PABPC4L: variants seen among roughly 807,000 people sequenced by gnomAD.
The protein encoded by PABPC4L is poly(A) binding protein cytoplasmic 4 like, also known as polyadenylate-binding protein 4-like.
For missense variants in PABPC4L, 452 were observed against 451.4 expected (o/e 1.00, Z -0.01); for synonymous variants, 169 against 164.1 (o/e 1.03, Z -0.23).
At chr4:134,041,553 G>A in the PABPC4L span, among the ~76,000 whole-genome samples, 9 of 151,960 alleles carry the variant, frequency 5.9e-5, no homozygotes, top group East Asian at 1.4e-3. Context: ...TGGGGGTGGG[G>A]GCATCACACA....
At chr4:134,092,128 T>C in the PABPC4L span, among the ~76,000 whole-genome samples, 1 of 151,918 alleles carries the variant, frequency 6.6e-6, no homozygotes, top group Non-Finnish European at 1.5e-5. Context: ...GGTGGTTCCC[T>C]GGAAAAGGCC....
the PABPC4L span, among the ~76,000 whole-genome samples, chr4:134,028,469 T>C: frequency 6.6e-6 from 1 of 151,952 alleles, no homozygotes; most frequent in East Asian, 1.9e-4. Context: ...TTGTCAGCTT[T>C]TCCCAGTAAC....
chr4:134,168,860 C>T, the PABPC4L span, among the ~76,000 whole-genome samples: 2 of 151,912 alleles, frequency 1.3e-5, no homozygotes, highest in Admixed American at 6.6e-5. Context: ...AAAATCAATC[C>T]TACTCAAAAA....
At chr4:134,160,131 C>T in the PABPC4L span, among the ~76,000 whole-genome samples, 2 of 151,818 alleles carry the variant, frequency 1.3e-5, no homozygotes, top group Non-Finnish European at 2.9e-5. Context: ...CATTAGTGGC[C>T]ACAAGCCTTG....
the PABPC4L span, among the ~76,000 whole-genome samples, chr4:134,092,713 G>A: frequency 6.6e-6 from 1 of 151,984 alleles, no homozygotes; most frequent in African/African-American, 2.4e-5. Flanking sequence ...CCCAGCTCCT[G>A]CATCCACTCA....
chr4:134,120,094 T>C, the PABPC4L span, among the ~76,000 whole-genome samples: 3 of 151,650 alleles, frequency 2.0e-5, no homozygotes, highest in Non-Finnish European at 4.4e-5. Flanking sequence ...TCTGTTGACA[T>C]TGATCTTGGA....
the PABPC4L span, among the ~76,000 whole-genome samples, chr4:134,015,497 T>C: frequency 1.3e-5 from 2 of 152,126 alleles, no homozygotes; most frequent in Admixed American, 6.6e-5. Context: ...TGACACTCAT[T>C]AGGCTCAGCA....
At chr4:134,111,171 T>A in the PABPC4L span, among the ~76,000 whole-genome samples, 56 of 152,110 alleles carry the variant, frequency 3.7e-4, 1 homozygote, top group Admixed American at 1.5e-3. Flanking sequence ...AAATACTGTG[T>A]CTTCACAAGG....
At chr4:134,157,971 A>G in the PABPC4L span, among the ~76,000 whole-genome samples, 3 of 151,722 alleles carry the variant, frequency 2.0e-5, no homozygotes, top group Non-Finnish European at 4.4e-5. Flanking sequence ...CTCTCCTCAT[A>G]TATTTTGGTA....
chr4:134,136,723 G>A, the PABPC4L span, among the ~76,000 whole-genome samples: 9 of 151,858 alleles, frequency 5.9e-5, no homozygotes, highest in South Asian at 8.3e-4. Flanking sequence ...TATTTGCAGC[G>A]ACTATGATCA....
the PABPC4L span, among the ~76,000 whole-genome samples, chr4:134,004,927 G>C: frequency 5.9e-5 from 9 of 151,782 alleles, no homozygotes; most frequent in African/African-American, 1.9e-4. Context: ...GAACCAGAAA[G>C]TACATTGGTG....
chr4:134,154,957 G>A, the PABPC4L span, among the ~76,000 whole-genome samples: 1 of 151,936 alleles, frequency 6.6e-6, no homozygotes, highest in Non-Finnish European at 1.5e-5. Context: ...GAATATTGTA[G>A]ATGTTTTTTC....
the PABPC4L span, among the ~76,000 whole-genome samples, chr4:134,168,308 C>T: frequency 2.0e-5 from 3 of 151,740 alleles, no homozygotes; most frequent in East Asian, 1.9e-4. Flanking sequence ...GCAATAAATG[C>T]CTACATGAAA....
At chr4:134,177,564 C>T in the PABPC4L span, among the ~76,000 whole-genome samples, 7 of 152,088 alleles carry the variant, frequency 4.6e-5, no homozygotes, top group Admixed American at 6.6e-5. Flanking sequence ...GTGACCACAC[C>T]GGCCCTCACT....
chr4:134,124,324 C>G, the PABPC4L span, among the ~76,000 whole-genome samples: 1 of 152,036 alleles, frequency 6.6e-6, no homozygotes, highest in African/African-American at 2.4e-5. Flanking sequence ...TATCTAATAA[C>G]TACTAAAACA....
chr4:134,015,234 T>A, the PABPC4L span, among the ~76,000 whole-genome samples: 1 of 152,152 alleles, frequency 6.6e-6, no homozygotes, highest in Non-Finnish European at 1.5e-5. Flanking sequence ...TTAAAGCCTA[T>A]AAACTCTCCT....
At chr4:134,164,692 A>G in the PABPC4L span, among the ~76,000 whole-genome samples, 1 of 152,140 alleles carries the variant, frequency 6.6e-6, no homozygotes, top group Admixed American at 6.6e-5. Flanking sequence ...AAAAATGACC[A>G]TACTGCCCAA....
At chr4:134,181,378 G>GT in the PABPC4L span, among the ~76,000 whole-genome samples, 1 of 151,872 alleles carries the variant, frequency 6.6e-6, no homozygotes, top group African/African-American at 2.4e-5. Flanking sequence ...CCTCAAAACA[G>GT]TAAGAGCCAT....
chr4:134,053,742 A>T, the PABPC4L span, among the ~76,000 whole-genome samples: 1 of 152,002 alleles, frequency 6.6e-6, no homozygotes, highest in African/African-American at 2.4e-5. Context: ...AATAAAAGAG[A>T]ATAGATATTT....
Sources: gnomAD v4.1 joint callset for allele counts (sites outside exome capture counted in the v4.1 genomes callset) on GRCh38, gnomAD v4.1.1 for gene constraint, MANE v1.5 for transcripts, NCBI Gene and HGNC (gene_info 2026-07-23, HGNC 2026-07-21) for gene names.